Variants in RBFOX1 observed in about 807,000 individuals in gnomAD.
RBFOX1 encodes RNA binding protein fox-1 homolog 1.
Under a neutral mutation model 57.7 loss-of-function variants are expected in RBFOX1, and 8 were observed. That is an observed-to-expected ratio of 0.14 (90% CI 0.08 to 0.25). The LOEUF (loss-of-function observed/expected upper bound fraction) is 0.25, where lower values mean the gene tolerates loss of function less well. Ranked by LOEUF, RBFOX1 falls within the 10% of genes least tolerant of loss-of-function variation. The pLI, the probability that RBFOX1 is intolerant of heterozygous loss-of-function variation, is 1.00. For synonymous variants in RBFOX1, 326 were observed against 222.4 expected, an observed-to-expected ratio of 1.47 and a Z score of -4.15; for missense variants, 611 against 548.5, an observed-to-expected ratio of 1.11 and a Z score of -1.14.
chr16:7,583,128 C>A (rs1219575142), intron 6 of RBFOX1, among the ~76,000 whole-genome samples: 1 of 149,618 alleles, frequency 6.7e-6, no homozygotes, highest in East Asian at 2.0e-4. Flanking sequence ...CCATGTTTGG[C>A]ATTAAATCTT....
At chr16:6,280,884 A>G (rs1029757358) in intron 1 of RBFOX1, among the ~76,000 whole-genome samples, 18 of 151,906 alleles carry the variant, frequency 1.2e-4, no homozygotes, top group African/African-American at 4.3e-4. Context: ...TTGTTAATAT[A>G]TATGTCTAGG....
Position 6,865,298 on chromosome 16 carries a change from C to T in RBFOX1, c.-15-186759C>T, listed in dbSNP as rs183641689. Among the ~76,000 whole-genome samples, 873 of 151,474 alleles carry T rather than the reference C, an allele frequency of 5.8e-3. 6 individuals are homozygous for T. Among genetic ancestry groups the T allele is most frequent in the Non-Finnish European group, 7.8e-3 (532 of 67,862 alleles). ...GATTACAGACGTGAGCCACCGTGCC[C>T]GACCTGGAGTGGGTTTTTTAAGTAC... On this transcript the variant is annotated intron_variant, in intron 3 of 15. Transcript: ENST00000550418.
intron 4 of RBFOX1, among the ~76,000 whole-genome samples, chr16:7,146,139 C>T (rs1201071691): frequency 2.0e-5 from 3 of 152,162 alleles, no homozygotes; most frequent in Non-Finnish European, 4.4e-5. Context: ...AAGGGATGAG[C>T]AATGGCACAG....
intron 3 of RBFOX1, among the ~76,000 whole-genome samples, chr16:6,957,100 A>ATT (rs200790050): frequency 7.0e-6 from 1 of 142,050 alleles, no homozygotes; most frequent in Non-Finnish European, 1.5e-5. Flanking sequence ...TATTTATTTT[A>ATT]TTTTTTTATT....
chr16:7,698,445 C>A (rs550802266), intron 14 of RBFOX1, among the ~76,000 whole-genome samples: 8 of 152,184 alleles, frequency 5.3e-5, no homozygotes, highest in African/African-American at 1.7e-4. Flanking sequence ...GGGCAGGTTG[C>A]TACCCAAGTT....
intron 4 of RBFOX1, among the ~76,000 whole-genome samples, chr16:7,090,748 C>A (rs1599197745): frequency 6.6e-6 from 1 of 152,084 alleles, no homozygotes; most frequent in African/African-American, 2.4e-5. Context: ...CCAAACTTGG[C>A]CACGGTAGGA....
intron 3 of RBFOX1, among the ~76,000 whole-genome samples, chr16:6,904,547 G>A (rs987098677): frequency 1.3e-4 from 18 of 137,798 alleles, no homozygotes; most frequent in African/African-American, 4.8e-4. Context: ...GTTGCAGTGA[G>A]CTGAGATCAT....
At chr16:7,534,253 A>ATT (rs111895929) in intron 5 of RBFOX1, among the ~76,000 whole-genome samples, 5 of 145,600 alleles carry the variant, frequency 3.4e-5, no homozygotes, top group East Asian at 2.0e-4. Context: ...CACCCAGTTA[A>ATT]TTTTTTTTTT....
At chr16:7,527,723 C>G (rs1207822418) in intron 5 of RBFOX1, among the ~76,000 whole-genome samples, 3 of 152,108 alleles carry the variant, frequency 2.0e-5, no homozygotes, top group African/African-American at 7.2e-5. Context: ...ACAGTAATGT[C>G]TATGAAGGTC....
intron 3 of RBFOX1, among the ~76,000 whole-genome samples, chr16:6,768,371 A>G (rs2077716716): frequency 6.6e-6 from 1 of 152,032 alleles, no homozygotes; most frequent in Non-Finnish European, 1.5e-5. Flanking sequence ...TAGATGGTGT[A>G]GTTTTCTTAT....
At chr16:6,512,277 C>G (rs575767373) in intron 2 of RBFOX1, among the ~76,000 whole-genome samples, 394 of 29,930 alleles carry the variant, frequency 0.013, 3 homozygotes, top group African/African-American at 0.035. Context: ...GAGCAAGACC[C>G]TGTATCAAAA....
intron 12 of RBFOX1, among the ~76,000 whole-genome samples, chr16:7,663,079 T>G (rs2068183447): frequency 6.6e-6 from 1 of 152,232 alleles, no homozygotes; most frequent in Non-Finnish European, 1.5e-5. Context: ...TGGAGCGGTT[T>G]TGATATGGCT....
At chr16:7,488,978 G>T (rs4787030) in intron 4 of RBFOX1, among the ~76,000 whole-genome samples, 1 of 151,874 alleles carries the variant, frequency 6.6e-6, no homozygotes, top group Non-Finnish European at 1.5e-5. Context: ...CATTATCTAT[G>T]CCTCTAATCT....
chr16:7,059,193 C>T lies in RBFOX1; in HGVS notation c.27+7095C>T, dbSNP rs79974173. Among the ~76,000 whole-genome samples, 838 of 152,288 alleles carry T rather than the reference C, an allele frequency of 5.5e-3. 8 individuals are homozygous for T. The highest frequency in any genetic ancestry group is 0.018 in the African/African-American group (755 of 41,560). The stretch of plus-strand genomic sequence containing the variant: ...TATCAGAATCAGAGATACCTTCTCC[C>T]GCTGTGTCTCACCCCTCTCCACTTT... On this transcript the variant is annotated intron_variant, in intron 4 of 15. Transcript: ENST00000550418.
At chr16:6,300,280 T>C (rs551642179) in intron 1 of RBFOX1, among the ~76,000 whole-genome samples, 1 of 152,306 alleles carries the variant, frequency 6.6e-6, no homozygotes, top group East Asian at 1.9e-4. Flanking sequence ...CAACTATAGT[T>C]AGTAACAATG....
intron 1 of RBFOX1, among the ~76,000 whole-genome samples, chr16:6,227,922 CA>C (rs1481017922): frequency 1.3e-5 from 2 of 152,186 alleles, no homozygotes; most frequent in African/African-American, 4.8e-5. Flanking sequence ...TATGATTCAG[CA>C]ACCTCACTGC....
intron 2 of RBFOX1, among the ~76,000 whole-genome samples, chr16:6,512,417 G>T (rs544873937): frequency 6.6e-6 from 1 of 152,018 alleles, no homozygotes; most frequent in Non-Finnish European, 1.5e-5. Flanking sequence ...TAGGGAATGC[G>T]TTGCATTCAG....
At chr16:6,567,922 G>A (rs1353160027) in intron 2 of RBFOX1, among the ~76,000 whole-genome samples, 2 of 152,110 alleles carry the variant, frequency 1.3e-5, no homozygotes, top group Non-Finnish European at 2.9e-5. Flanking sequence ...CCAGGCTCAA[G>A]CAATCTTCCC....
chr16:7,548,762 C>T (rs922429626), intron 5 of RBFOX1, among the ~76,000 whole-genome samples: 6 of 152,188 alleles, frequency 3.9e-5, no homozygotes, highest in Non-Finnish European at 5.9e-5. Flanking sequence ...CTTGAGGCCG[C>T]CATGTTTGCC....
Sources: allele counts gnomAD v4.1 joint callset (sites outside exome capture counted in the v4.1 genomes callset), GRCh38; gene constraint gnomAD v4.1.1; transcripts MANE v1.5; gene names NCBI Gene and HGNC (gene_info 2026-07-23, HGNC 2026-07-21).